OTUD7A: variants seen among roughly 807,000 people sequenced by gnomAD.
OTUD7A encodes OTU domain-containing protein 7A.
OTUD7A carries 12 observed loss-of-function variants against 65.7 expected under a neutral mutation model. The observed-to-expected ratio is 0.18, with a 90% CI of 0.12 to 0.30. The LOEUF (loss-of-function observed/expected upper bound fraction) is 0.30. OTUD7A is among the 10% of genes least tolerant of loss of function. The pLI is 1.00. For synonymous variants in OTUD7A, 641 were observed against 586.3 expected, an observed-to-expected ratio of 1.09 and a Z score of -1.35; for missense variants, 1,148 against 1,304.8, an observed-to-expected ratio of 0.88 and a Z score of 1.85.
At chr15:31,501,963 G>A (rs1177323661) in intron 9 of OTUD7A, 124 bp from the exon 10 acceptor site, 10 of 1,089,880 alleles carry the variant, frequency 9.2e-6, no homozygotes, top group African/African-American at 1.6e-5. Context: ...GGACAGGAGG[G>A]GTGGATGGAG....
intron 1 of OTUD7A, among the ~76,000 whole-genome samples, chr15:31,715,098 C>A (rs1184847605): frequency 2.0e-5 from 3 of 151,790 alleles, no homozygotes; most frequent in Non-Finnish European, 4.4e-5. Flanking sequence ...CGCACCACTG[C>A]ACTCCAGACT....
At chr15:31,704,926 C>T (rs552215857) in intron 1 of OTUD7A, among the ~76,000 whole-genome samples, 293 of 151,868 alleles carry the variant, frequency 1.9e-3, no homozygotes, top group African/African-American at 6.9e-3. Context: ...CCCCTGGATA[C>T]GCCGTGGATT....
At chr15:31,685,373 C>T (rs182061920) in intron 1 of OTUD7A, among the ~76,000 whole-genome samples, 79 of 152,078 alleles carry the variant, frequency 5.2e-4, no homozygotes, top group African/African-American at 1.7e-3. Flanking sequence ...TGGCTGGGTG[C>T]GGTGGCTCAC....
intron 1 of OTUD7A, among the ~76,000 whole-genome samples, chr15:31,710,489 C>T (rs1380204479): frequency 6.6e-6 from 1 of 152,018 alleles, no homozygotes; most frequent in Non-Finnish European, 1.5e-5. Context: ...TCTCAGACAT[C>T]CAGAATGGCC....
intron 1 of OTUD7A, among the ~76,000 whole-genome samples, chr15:31,697,368 G>A (rs1893106983): frequency 1.4e-5 from 2 of 143,992 alleles, no homozygotes; most frequent in African/African-American, 2.6e-5. Flanking sequence ...ACTTTCTGTG[G>A]CGTTAGCAAT....
At chr15:31,735,860 TCATGGAATACTATGCAAC>T (rs1205195245) in intron 1 of OTUD7A, among the ~76,000 whole-genome samples, 5 of 152,280 alleles carry the variant, frequency 3.3e-5, no homozygotes, top group Admixed American at 6.5e-5. Flanking sequence ...TACATAAACA[TCATGGAATACTATGCAAC>T]CATAAAAAAG....
chr15:31,570,279 G>A (rs1889009506), intron 3 of OTUD7A, 82 bp from the exon 4 acceptor site: 1 of 1,471,158 alleles, frequency 6.8e-7, no homozygotes, highest in African/African-American at 1.4e-5. Context: ...TGACAAGAAG[G>A]GTTTCCCATT....
rs1468394383 is a variant in OTUD7A, at chr15:31,725,655, G to C, written c.-99-68578C>G. Reference sequence around the variant, plus strand: ...CTTCTGGGCTCTCAGAAGAATTGCAGCTCCTGGCCTCCCCAAAGCTACACG... The same window carrying C: ...CTTCTGGGCTCTCAGAAGAATTGCACCTCCTGGCCTCCCCAAAGCTACACG... On this transcript the variant is annotated intron_variant, in intron 1 of 12. Coordinates refer to ENST00000307050, the MANE Select transcript of OTUD7A (RefSeq NM_001382637.1). Among the ~76,000 whole-genome samples, 4 of 152,216 alleles carry C rather than the reference G, an allele frequency of 2.6e-5. No homozygotes were observed. The East Asian group carries it at 7.7e-4, about 29-fold the overall frequency.
chr15:31,682,668 C>T lies in OTUD7A; in HGVS notation c.-99-25591G>A, dbSNP rs563364505. The stretch of plus-strand genomic sequence containing the variant: ...ACTTCAGTAAAGTAAACTCAATCTA[C>T]ATCTTACACCATATATAAAAATTAA... On this transcript the variant is annotated intron_variant, in intron 1 of 12. Coordinates refer to ENST00000307050, the MANE Select transcript of OTUD7A (RefSeq NM_001382637.1). 2.6e-5 allele frequency among the ~76,000 whole-genome samples: 4 copies of T among 152,328 alleles called. No homozygotes were observed. The East Asian group carries it at 7.7e-4, about 29-fold the overall frequency.
At chr15:31,655,584 T>C (rs1235209223) in intron 2 of OTUD7A, among the ~76,000 whole-genome samples, 1 of 152,032 alleles carries the variant, frequency 6.6e-6, no homozygotes, top group Admixed American at 6.6e-5. Flanking sequence ...AAGCAGGAAA[T>C]GGGCCCTTAC....
At chr15:31,826,301 A>G (rs1465581599) in intron 1 of OTUD7A, among the ~76,000 whole-genome samples, 1 of 152,220 alleles carries the variant, frequency 6.6e-6, no homozygotes, top group Non-Finnish European at 1.5e-5. Flanking sequence ...ACCTCAATTA[A>G]TAATTTCTGT....
At chr15:31,717,486 C>T (rs557193804) in intron 1 of OTUD7A, among the ~76,000 whole-genome samples, 5 of 152,206 alleles carry the variant, frequency 3.3e-5, no homozygotes, top group Middle Eastern at 3.4e-3. Flanking sequence ...TGAGAACATG[C>T]GATATTTGGT....
At chr15:31,819,334 G>A (rs566835450) in intron 1 of OTUD7A, among the ~76,000 whole-genome samples, 1 of 152,146 alleles carries the variant, frequency 6.6e-6, no homozygotes, top group African/African-American at 2.4e-5. Flanking sequence ...GCTCAAGAAG[G>A]CTGCAAATAA....
At chr15:31,605,217 T>C (rs1890204629) in intron 3 of OTUD7A, among the ~76,000 whole-genome samples, 1 of 152,102 alleles carries the variant, frequency 6.6e-6, no homozygotes, top group Non-Finnish European at 1.5e-5. Context: ...GGTAAATATG[T>C]TATGTGGCAT....
At chr15:31,519,656 C>T (rs1206919641) in intron 8 of OTUD7A, among the ~76,000 whole-genome samples, 1 of 152,150 alleles carries the variant, frequency 6.6e-6, no homozygotes, top group African/African-American at 2.4e-5. Context: ...ACAGCGCAGT[C>T]AGGCAAGAGA....
chr15:31,795,340 G>A (rs1024780814), intron 1 of OTUD7A, among the ~76,000 whole-genome samples: 8 of 152,158 alleles, frequency 5.3e-5, no homozygotes, highest in African/African-American at 1.9e-4. Flanking sequence ...CACCATCAGT[G>A]GCTGCACTTT....
At chr15:31,491,733 C>T (rs1057003901) in intron 10 of OTUD7A, among the ~76,000 whole-genome samples, 5 of 151,882 alleles carry the variant, frequency 3.3e-5, no homozygotes, top group Admixed American at 2.6e-4. Flanking sequence ...AACCCAAAGA[C>T]AAAAAGAAAG....
At position 31,570,208 on chromosome 15, in the gene OTUD7A, G is replaced by A; in HGVS notation, c.152-11C>T. 7.4e-6 allele frequency: 12 copies of A among 1,613,528 alleles called. No homozygotes were observed. The highest frequency in any genetic ancestry group is 1.0e-5 in the Non-Finnish European group (12 of 1,179,496). ...GGTCCCAGTTTTTGCCTGTGGACAA[G>A]AAATGACAAGAGGTGACAATACGAA... On this transcript the variant is annotated splice_polypyrimidine_tract_variant and intron_variant, in intron 3 of 12. Transcript: ENST00000307050.
rs574642880 is a variant in OTUD7A at position 31,790,456 on chromosome 15, A to G, written c.-100+80051T>C. 2.0e-5 allele frequency among the ~76,000 whole-genome samples: 3 copies of G among 152,368 alleles called. No homozygotes were observed. In the South Asian group the frequency reaches 6.2e-4, roughly 32 times the overall value. On this transcript the variant is annotated intron_variant, in intron 1 of 12. Transcript: ENST00000307050. Reference sequence around the variant, plus strand: ...TCTGGAACCCAGGTGTTTTGATTCAAAAACTAGAATTGCTTTATCAAGAGA... The same window carrying G: ...TCTGGAACCCAGGTGTTTTGATTCAGAAACTAGAATTGCTTTATCAAGAGA...
Sources: allele counts gnomAD v4.1 joint callset (sites outside exome capture counted in the v4.1 genomes callset), GRCh38; gene constraint gnomAD v4.1.1; transcripts MANE v1.5; gene names NCBI Gene and HGNC (gene_info 2026-07-23, HGNC 2026-07-21).